KBTBD11: variants seen among roughly 807,000 people sequenced by gnomAD.
KBTBD11 encodes the protein kelch repeat and BTB domain-containing protein 11.
For missense variants in KBTBD11, 1,390 were observed against 1,001.8 expected (o/e 1.39, Z -5.23); for synonymous variants, 747 against 499.0 (o/e 1.50, Z -6.63).
Position 2,003,092 on chromosome 8 carries a change from C to A in KBTBD11, c.*28C>A. The A allele has an allele frequency of 7.9e-7, 1 of 1,258,192 alleles. No homozygotes were observed. Among genetic ancestry groups the A allele is most frequent in the South Asian group, 3.2e-5 (1 of 31,000 alleles). The allele number at this position is 1,258,192 out of a possible 1,614,324, so 77.9% of individuals were successfully genotyped here. ...CGGCGGGGTCGGCGGGCGTCTCCCT[C>A]GGCAGGGGTTTGCGGGGCCCAGGTC... On this transcript the variant is annotated 3_prime_UTR_variant, in exon 2 of 2. Transcript: ENST00000320248.
chr8:1,974,434 C>T (rs1816250628), intron 1 of KBTBD11: 3 of 984,306 alleles, frequency 3.0e-6, no homozygotes, highest in Non-Finnish European at 3.6e-6. Flanking sequence ...CCCGGGGTTG[C>T]TCCGCTTGGC....
intron 1 of KBTBD11, among the ~76,000 whole-genome samples, chr8:1,994,779 C>T (rs1817069491): frequency 6.6e-6 from 1 of 152,136 alleles, no homozygotes; most frequent in African/African-American, 2.4e-5. Flanking sequence ...CTAAAAGAGG[C>T]CAGGCGTGGT....
Position 2,001,276 on chromosome 8 carries a change from G to T in KBTBD11, c.84G>T (p.Ala28=), listed in dbSNP as rs759781403. The change falls in exon 2 of 2, where the codon GCG becomes GCT. Residue 28 remains alanine (A), a synonymous_variant. Coordinates refer to ENST00000320248, the MANE Select transcript of KBTBD11 (RefSeq NM_014867.3). ...AAGESESEGA[A]SPAQTPCSLG... is the part of the protein sequence containing the mutation. ...GGGAGAGCGAGAGCGAGGGCGCCGC[G>T]TCCCCGGCGCAGACACCCTGCAGTC... 6.6e-6 allele frequency: 10 copies of T among 1,518,702 alleles called. No individual in the cohort carries two copies. The African/African-American group carries it at 7.1e-5, about 11-fold the overall frequency. 94.1% of individuals were successfully genotyped at this position (1,518,702 alleles called of 1,614,324 possible).
At chr8:1,974,118 G>GC (rs1563357711) in intron 1 of KBTBD11, 183 bp downstream of exon 1, 34,344 of 122,150 alleles carry the variant, frequency 0.28, 5,856 homozygotes, top group Middle Eastern at 0.37. Flanking sequence ...GGGGAGGGAG[G>GC]GGAGCGGAGC....
chr8:1,978,833 C>T (rs899939950), intron 1 of KBTBD11, among the ~76,000 whole-genome samples: 9 of 79,338 alleles, frequency 1.1e-4, no homozygotes, highest in African/African-American at 3.4e-4. Flanking sequence ...CAAGTCTCAT[C>T]CTGTTGTGGC....
At position 2,003,486 on chromosome 8, in the gene KBTBD11, AGGGTCACGCC is replaced by A. The variant is rs931145437; in HGVS notation, c.*423_*432del. 1 of 182,132 alleles carries A rather than the reference AGGGTCACGCC, an allele frequency of 5.5e-6. No individual in the cohort carries two copies. Among genetic ancestry groups the A allele is most frequent in the African/African-American group, 2.4e-5 (1 of 42,050 alleles). The allele number at this position is 182,132 out of a possible 1,614,324, so 11.3% of individuals were successfully genotyped here. ...GAACTATCGGGGGAAGCACGCAGAG[AGGGTCACGCC>A]TTTTATTTTTGGCTTGAGATTTAAA... On this transcript the variant is annotated 3_prime_UTR_variant, in exon 2 of 2. Coordinates refer to ENST00000320248, the MANE Select transcript of KBTBD11 (RefSeq NM_014867.3).
intron 1 of KBTBD11, among the ~76,000 whole-genome samples, chr8:1,991,064 ATGCTGCGGGGCCTTGGCGCCCTGTCCGGG>A (rs1816895643): frequency 3.9e-5 from 1 of 25,520 alleles, no homozygotes; most frequent in African/African-American, 2.6e-4. Flanking sequence ...GTCCGGGTAG[ATGCTGCGGGGCCTTGGCGCCCTGTCCGGG>A]TAGATGCTGC....
chr8:1,987,559 C>T (rs1205859669), intron 1 of KBTBD11, among the ~76,000 whole-genome samples: 5 of 152,190 alleles, frequency 3.3e-5, no homozygotes, highest in East Asian at 1.9e-4. Flanking sequence ...CCCTGCGCTC[C>T]GGCCACCCTC....
In KBTBD11 at chr8:2,002,195, G is replaced by A. The variant is rs1192406491; in HGVS notation, c.1003G>A (p.Gly335Arg). Residue 335 changes from glycine to arginine, a missense_variant, in exon 2 of 2, where the codon GGA (glycine) becomes AGA (arginine). By Grantham distance (125) the Gly-to-Arg change is moderately radical. Transcript: ENST00000320248. This position sits in a 1 kb window ranked among gnomAD's most constrained non-coding sequence, Gnocchi z 4.1. Reference sequence around the variant, plus strand: ...CGTCTACTGCTTCCACGCGGCGGCCGGAGAGTGGCGCGAGCTGACGCGGCT... The same window carrying A: ...CGTCTACTGCTTCCACGCGGCGGCCAGAGAGTGGCGCGAGCTGACGCGGCT... Reference protein sequence around the residue: ...AAVYCFHAAAGEWRELTRLPE... With the variant: ...AAVYCFHAAAREWRELTRLPE... The A allele has an allele frequency of 7.2e-6, 9 of 1,255,188 alleles. No homozygotes were observed. The highest frequency in any genetic ancestry group is 4.1e-5 in the Admixed American group (1 of 24,234). 77.8% of individuals were successfully genotyped at this position (1,255,188 alleles called of 1,614,324 possible).
rs1817122515 is a variant in KBTBD11 at position 1,996,005 on chromosome 8, C to T, written c.-908-4280C>T. ...TGTGACTGTCCTCCAGCCTGGATGA[C>T]AGAGCAAGACCCTGTCTCAAAAAAC... On this transcript the variant is annotated intron_variant, in intron 1 of 1. Transcript: ENST00000320248. 2.0e-5 allele frequency among the ~76,000 whole-genome samples: 3 copies of T among 152,292 alleles called. No homozygotes were observed. The South Asian group carries it at 6.2e-4, about 32-fold the overall frequency.
At position 2,001,665 on chromosome 8, in the gene KBTBD11, T is replaced by C; in HGVS notation, c.473T>C (p.Leu158Pro). 1.4e-6 allele frequency: 2 copies of C among 1,465,996 alleles called. No homozygotes were observed. The highest frequency in any genetic ancestry group is 3.0e-5 in the East Asian group (1 of 33,786). 90.8% of individuals were successfully genotyped at this position (1,465,996 alleles called of 1,614,324 possible). ...GRRLRAHKAV[L>P]AARSDYFRAR... ...CGGCTGCGCGCGCACAAGGCGGTGC[T>C]GGCGGCGCGCAGCGACTACTTCCGC... is the stretch of plus-strand genomic sequence containing the variant. The change falls in exon 2 of 2, where the codon CTG becomes CCG. Residue 158 changes from leucine to proline, a missense_variant. Physicochemically the swap from Leu to Pro is moderately conservative, Grantham distance 98 (BLOSUM62 -3). Transcript: ENST00000320248.
chr8:1,978,309 C>T (rs899119431), intron 1 of KBTBD11, among the ~76,000 whole-genome samples: 4 of 152,228 alleles, frequency 2.6e-5, no homozygotes, highest in Non-Finnish European at 5.9e-5. Flanking sequence ...TCTGCAGTCT[C>T]GCTGGGCACA....
chr8:1,978,548 G>A (rs964247980), intron 1 of KBTBD11, among the ~76,000 whole-genome samples: 1 of 152,202 alleles, frequency 6.6e-6, no homozygotes, highest in Non-Finnish European at 1.5e-5. Context: ...TTGAGTCAGG[G>A]TCACCACGGA....
In KBTBD11 at chr8:2,001,457, G is replaced by T; in HGVS notation, c.265G>T (p.Glu89Ter). The change falls in exon 2 of 2, where the codon GAG (glutamate) becomes TAG (stop). Residue 89 changes from glutamate to a stop codon, truncating the protein, a stop_gained. Coordinates refer to ENST00000320248, the MANE Select transcript of KBTBD11 (RefSeq NM_014867.3). LOFTEE classifies it low-confidence loss of function (END_TRUNC). ...EAGSAGAASP[E>*]ELASPEERAC... ...CGGCAGCGCGGGCGCCGCGTCCCCG[G>T]AGGAGCTCGCGTCCCCTGAGGAGCG... 1 of 1,362,924 alleles carries T rather than the reference G, an allele frequency of 7.3e-7. No individual in the cohort carries two copies. The highest frequency in any genetic ancestry group is 9.4e-7 in the Non-Finnish European group (1 of 1,066,570). The allele number at this position is 1,362,924 out of a possible 1,614,324, so 84.4% of individuals were successfully genotyped here. A position where few individuals can be genotyped will look rare whatever the true frequency, so the allele number is the denominator to read the frequency against.
rs746670548 is a variant in KBTBD11 at position 2,002,642 on chromosome 8, C to T, written c.1450C>T (p.Pro484Ser). The part of the protein sequence containing the change: ...DPRRDEWQEC[P>S]CSSSRERSAD... ...GCGGCGCGACGAGTGGCAGGAGTGC[C>T]CGTGCAGCAGCAGCCGCGAGCGCTC... Residue 484 changes from proline to serine, a missense_variant, in exon 2 of 2, where the codon CCG becomes TCG. Pro to Ser is a moderately conservative substitution (Grantham distance 74). Transcript: ENST00000320248. This position sits in a 1 kb window ranked among gnomAD's most constrained non-coding sequence, Gnocchi z 4.1. 1.3e-6 allele frequency: 2 copies of T among 1,579,562 alleles called. No homozygotes were observed. Among genetic ancestry groups the T allele is most frequent in the South Asian group, 2.3e-5 (2 of 87,932 alleles).
At chr8:1,977,456 T>A (rs1409938023) in intron 1 of KBTBD11, among the ~76,000 whole-genome samples, 1 of 152,132 alleles carries the variant, frequency 6.6e-6, no homozygotes, top group Non-Finnish European at 1.5e-5. Flanking sequence ...TGCAGTAGTC[T>A]CTGGAGAGGC....
intron 1 of KBTBD11, among the ~76,000 whole-genome samples, chr8:1,978,797 C>G (rs75868775): frequency 0.012 from 1,812 of 151,958 alleles, 22 homozygotes; most frequent in Middle Eastern, 0.037. Context: ...ATGTCCCTTC[C>G]ACATAAAAAA....
chr8:1,993,912 C>G (rs1817030232), intron 1 of KBTBD11, among the ~76,000 whole-genome samples: 1 of 141,828 alleles, frequency 7.1e-6, no homozygotes, highest in African/African-American at 2.7e-5. Flanking sequence ...TATGAATACA[C>G]AATACCCCCT....
chr8:1,988,924 G>C (rs780055933), intron 1 of KBTBD11, among the ~76,000 whole-genome samples: 4 of 150,536 alleles, frequency 2.7e-5, no homozygotes, highest in Non-Finnish European at 5.9e-5. Flanking sequence ...AGCAATTGTA[G>C]GATTTATTCA....
Sources: gnomAD v4.1 joint callset for allele counts (sites outside exome capture counted in the v4.1 genomes callset) on GRCh38, gnomAD v4.1.1 for gene constraint, Gnocchi (gnomAD v3.1) non-coding constraint, MANE v1.5 for transcripts, NCBI Gene and HGNC (gene_info 2026-07-23, HGNC 2026-07-21) for gene names.